The following EDIL3 variants were observed in gnomAD, a reference collection of about 807,000 sequenced individuals.
EDIL3 encodes EGF like and discoidin domains 3, also known as EGF-like repeat and discoidin I-like domain-containing protein 3.
In EDIL3, 37 loss-of-function variants were observed where a neutral mutation model predicts 67.4. The observed-to-expected ratio is 0.55, with a 90% CI of 0.42 to 0.72. EDIL3 has a LOEUF of 0.72. Among genes scored for constraint, EDIL3 ranks in the 30% least tolerant of loss-of-function variants. The pLI is 0.00. For synonymous variants in EDIL3, 195 were observed against 196.3 expected (o/e 0.99, Z 0.05); for missense variants, 527 against 586.3 (o/e 0.90, Z 1.04).
At chr5:84,032,370 T>C (rs1008572395) in intron 9 of EDIL3, among the ~76,000 whole-genome samples, 1 of 152,222 alleles carries the variant, frequency 6.6e-6, no homozygotes, top group African/African-American at 2.4e-5. Context: ...TAAATCTTAT[T>C]TGACAACTGG....
intron 9 of EDIL3, among the ~76,000 whole-genome samples, chr5:84,028,140 A>G (rs1252294384): frequency 1.3e-5 from 2 of 152,122 alleles, no homozygotes; most frequent in Non-Finnish European, 2.9e-5. Context: ...ATGCAGGACT[A>G]TCAATTTTAT....
chr5:84,279,246 A>C (rs898982030), intron 1 of EDIL3, among the ~76,000 whole-genome samples: 3 of 152,212 alleles, frequency 2.0e-5, no homozygotes. Flanking sequence ...TATGTGGGTA[A>C]TCACATCAAA....
chr5:83,995,157 T>TACACACACAC lies in EDIL3; in HGVS notation c.1138-31807_1138-31798dup, dbSNP rs370763993. On this transcript the variant is annotated intron_variant, in intron 9 of 10. Coordinates refer to ENST00000296591, the MANE Select transcript of EDIL3 (RefSeq NM_005711.5). ...AGCAGTATACACACGCACACACACA[T>TACACACACAC]ACACACACACACACACACACACACA... 5.7e-3 allele frequency among the ~76,000 whole-genome samples: 857 copies of TACACACACAC among 149,148 alleles called. 6 individuals carry two copies. The highest frequency in any genetic ancestry group is 0.017 in the African/African-American group (711 of 40,654).
chr5:84,160,276 G>A (rs1165414234), intron 4 of EDIL3, among the ~76,000 whole-genome samples: 1 of 151,966 alleles, frequency 6.6e-6, no homozygotes, highest in African/African-American at 2.4e-5. Context: ...CCACTTCTCA[G>A]GGGATTATCT....
chr5:84,011,898 G>T (rs1001744767), intron 9 of EDIL3, among the ~76,000 whole-genome samples: 3 of 151,870 alleles, frequency 2.0e-5, no homozygotes, highest in East Asian at 3.9e-4. Flanking sequence ...GCCTTATTTT[G>T]CATTTACTTT....
chr5:84,040,519 A>G (rs1746101401), intron 9 of EDIL3, among the ~76,000 whole-genome samples: 1 of 148,890 alleles, frequency 6.7e-6, no homozygotes, highest in African/African-American at 2.4e-5. Context: ...ATATAATTAT[A>G]TATATATATA....
chr5:84,307,448 T>C (rs1392426572), intron 1 of EDIL3, among the ~76,000 whole-genome samples: 1 of 152,166 alleles, frequency 6.6e-6, no homozygotes, highest in Admixed American at 6.5e-5. Context: ...GAATGTTATA[T>C]AAGCTGCAGT....
intron 9 of EDIL3, among the ~76,000 whole-genome samples, chr5:84,058,047 G>T (rs977782117): frequency 6.6e-6 from 1 of 152,102 alleles, no homozygotes; most frequent in Non-Finnish European, 1.5e-5. Flanking sequence ...CCCAGAGAAA[G>T]GTATATCCGA....
At chr5:84,188,209 T>C (rs1272856961) in intron 3 of EDIL3, among the ~76,000 whole-genome samples, 2 of 152,190 alleles carry the variant, frequency 1.3e-5, no homozygotes, top group African/African-American at 4.8e-5. Flanking sequence ...TGTCCTTGTT[T>C]ACATTCCCAG....
chr5:84,095,768 C>T (rs1263628400), intron 6 of EDIL3, among the ~76,000 whole-genome samples: 1 of 152,146 alleles, frequency 6.6e-6, no homozygotes, highest in East Asian at 1.9e-4. Flanking sequence ...AAGCCAGCTG[C>T]AGAAATTTGC....
At chr5:84,303,556 A>G (rs1043933584) in intron 1 of EDIL3, among the ~76,000 whole-genome samples, 1 of 152,210 alleles carries the variant, frequency 6.6e-6, no homozygotes, top group Non-Finnish European at 1.5e-5. Context: ...TTTCACGCGT[A>G]CTAGTCTGCA....
At chr5:84,373,030 A>G (rs1747887355) in intron 1 of EDIL3, among the ~76,000 whole-genome samples, 1 of 152,110 alleles carries the variant, frequency 6.6e-6, no homozygotes, top group African/African-American at 2.4e-5. Context: ...CTGGGTCTGA[A>G]CATGTGGTAC....
intron 4 of EDIL3, among the ~76,000 whole-genome samples, chr5:84,165,371 T>C (rs1341427452): frequency 6.6e-6 from 1 of 152,140 alleles, no homozygotes; most frequent in Non-Finnish European, 1.5e-5. Flanking sequence ...CCATCTCATC[T>C]ACGACAAAAC....
rs1747003924 is a variant in EDIL3 at position 84,337,057 on chromosome 5, T to C, written c.67+47251A>G. On this transcript the variant is annotated intron_variant, in intron 1 of 10. Transcript: ENST00000296591. The stretch of plus-strand genomic sequence containing the variant: ...ACAAGAGTACACCAGGCCAAGCAAC[T>C]AAGTGGGGATCAAATTCCAGCCTGT... Among the ~76,000 whole-genome samples, 4 of 152,136 alleles carry C rather than the reference T, an allele frequency of 2.6e-5. No homozygotes were observed. The South Asian group carries it at 8.3e-4, about 31-fold the overall frequency.
chr5:84,058,999 G>A (rs1746496093), intron 9 of EDIL3, among the ~76,000 whole-genome samples: 1 of 152,086 alleles, frequency 6.6e-6, no homozygotes, highest in African/African-American at 2.4e-5. Context: ...TAGCTAATGA[G>A]AGCTGAATAA....
intron 4 of EDIL3, among the ~76,000 whole-genome samples, chr5:84,145,925 G>C (rs1361906586): frequency 1.3e-5 from 2 of 151,924 alleles, no homozygotes. Flanking sequence ...TCAGCATATG[G>C]TCATGCTTTA....
At position 83,941,436 on chromosome 5, in the gene EDIL3, G is replaced by GT. The variant is rs1267800711; in HGVS notation, c.*1982dup. Reference sequence around the variant, plus strand: ...TTGAAAAACTATATCATCATAAAGCGTAAGTAATAATCTTAAAAATACACT... The same window carrying GT: ...TTGAAAAACTATATCATCATAAAGCGTTAAGTAATAATCTTAAAAATACACT... On this transcript the variant is annotated 3_prime_UTR_variant, in exon 11 of 11. Transcript: ENST00000296591. 6.6e-6 allele frequency: 1 copy of GT among 151,734 alleles called. No individual in the cohort carries two copies. The highest frequency in any genetic ancestry group is 1.9e-4 in the East Asian group (1 of 5,164). The allele number at this position is 151,734 out of a possible 1,614,324, so 9.4% of individuals were successfully genotyped here.
intron 1 of EDIL3, among the ~76,000 whole-genome samples, chr5:84,361,513 A>T (rs1561268612): frequency 1.3e-5 from 2 of 152,066 alleles, no homozygotes; most frequent in African/African-American, 4.8e-5. Flanking sequence ...TTTGGATTCC[A>T]TTAACTATTG....
At chr5:84,052,658 C>G (rs1746363972) in intron 9 of EDIL3, among the ~76,000 whole-genome samples, 1 of 152,130 alleles carries the variant, frequency 6.6e-6, no homozygotes, top group Non-Finnish European at 1.5e-5. Context: ...GGGTTGCAAT[C>G]CTAGTCTCTG....
Sources: allele counts gnomAD v4.1 joint callset (sites outside exome capture counted in the v4.1 genomes callset), GRCh38; gene constraint gnomAD v4.1.1; transcripts MANE v1.5; gene names NCBI Gene and HGNC (gene_info 2026-07-23, HGNC 2026-07-21).